PTPRN2: variants seen among roughly 807,000 people sequenced by gnomAD.
PTPRN2 encodes the protein receptor-type tyrosine-protein phosphatase N2.
Under a neutral mutation model 118.8 loss-of-function variants are expected in PTPRN2, and 74 were observed. That is an observed-to-expected ratio of 0.62 (90% CI 0.52 to 0.76). The LOEUF is 0.76. PTPRN2 is among the 30% of genes least tolerant of loss of function. The probability of loss-of-function intolerance (pLI) is 0.00; values close to 1 mark genes in which losing one functional copy is unlikely to be tolerated. For synonymous variants in PTPRN2, 641 were observed against 608.0 expected (o/e 1.05, Z -0.80); for missense variants, 1,481 against 1,394.4 (o/e 1.06, Z -0.99).
chr7:157,662,655 G>A (rs1350940371), intron 13 of PTPRN2, among the ~76,000 whole-genome samples: 3 of 152,210 alleles, frequency 2.0e-5, no homozygotes, highest in Admixed American at 1.3e-4. Context: ...GGGGCCTGGA[G>A]GTGCGTAAGA....
chr7:158,495,472 C>A (rs139794310), intron 1 of PTPRN2, among the ~76,000 whole-genome samples: 1 of 152,080 alleles, frequency 6.6e-6, no homozygotes, highest in African/African-American at 2.4e-5. Context: ...AATGAGGATG[C>A]GCCCTGCCCA....
intron 12 of PTPRN2, among the ~76,000 whole-genome samples, chr7:157,733,888 C>T (rs1251860410): frequency 1.6e-5 from 1 of 61,268 alleles, no homozygotes; most frequent in Admixed American, 1.5e-4. Flanking sequence ...CCGTCCCATG[C>T]GCCCAGCACA....
At chr7:158,380,358 C>G (rs1810875683) in intron 2 of PTPRN2, among the ~76,000 whole-genome samples, 2 of 152,194 alleles carry the variant, frequency 1.3e-5, no homozygotes, top group Non-Finnish European at 2.9e-5. Flanking sequence ...TTAAATACAG[C>G]CATTCCAAAT....
intron 2 of PTPRN2, among the ~76,000 whole-genome samples, chr7:158,321,708 G>C (rs1440994084): frequency 1.3e-5 from 2 of 152,214 alleles, no homozygotes; most frequent in Non-Finnish European, 2.9e-5. Context: ...TGGGAGATGA[G>C]AACAGGTTTG....
At chr7:158,557,329 C>T (rs944339729) in intron 1 of PTPRN2, among the ~76,000 whole-genome samples, 5 of 134,570 alleles carry the variant, frequency 3.7e-5, no homozygotes, top group Non-Finnish European at 6.4e-5. Flanking sequence ...GCAGGGCAGG[C>T]GGCTCCCGCG....
chr7:157,552,839 G>C (rs1056730176), intron 21 of PTPRN2, among the ~76,000 whole-genome samples: 5 of 152,218 alleles, frequency 3.3e-5, no homozygotes, highest in African/African-American at 1.2e-4. Flanking sequence ...GAAGCTGGAT[G>C]GGCCAGCCTC....
intron 12 of PTPRN2, among the ~76,000 whole-genome samples, chr7:157,843,986 A>G (rs1050150842): frequency 1.3e-5 from 2 of 152,182 alleles, no homozygotes; most frequent in Non-Finnish European, 2.9e-5. Context: ...ACGGAGAGGA[A>G]AGGTGCAGAG....
chr7:158,248,132 C>G (rs939722313), intron 3 of PTPRN2, among the ~76,000 whole-genome samples: 1 of 152,194 alleles, frequency 6.6e-6, no homozygotes, highest in African/African-American at 2.4e-5. Context: ...AATCCTAAAG[C>G]TGGGGCTTTG....
chr7:158,071,464 TCG>T (rs1811630954), intron 11 of PTPRN2, among the ~76,000 whole-genome samples: 2 of 130,264 alleles, frequency 1.5e-5, no homozygotes, highest in African/African-American at 6.3e-5. Flanking sequence ...GTTGAGGTGC[TCG>T]TGGTGGTGGA....
Position 157,568,456 on chromosome 7 carries a change from G to A in PTPRN2, c.2902+446C>T, listed in dbSNP as rs142782339. ...GCAATTACTAACGGATATTTTTAGT[G>A]TGCCTCTAGTGTGAATACCGTTTTG... On this transcript the variant is annotated intron_variant, in intron 21 of 22. Transcript: ENST00000389418. Among the ~76,000 whole-genome samples the A allele has an allele frequency of 1.6e-3, 250 of 152,364 alleles. 1 individual carries two copies. The highest frequency in any genetic ancestry group is 5.7e-3 in the African/African-American group (237 of 41,584).
intron 3 of PTPRN2, among the ~76,000 whole-genome samples, chr7:158,228,014 A>C (rs1828921144): frequency 6.6e-6 from 1 of 152,198 alleles, no homozygotes; most frequent in Non-Finnish European, 1.5e-5. Context: ...CATGTATATC[A>C]AATAGAAATG....
chr7:157,850,681 C>A (rs1392963988), intron 12 of PTPRN2, among the ~76,000 whole-genome samples: 2 of 152,202 alleles, frequency 1.3e-5, no homozygotes, highest in East Asian at 1.9e-4. Context: ...CCTTGACAGA[C>A]AAAAGGTGTA....
At chr7:158,470,064 T>C (rs1383451566) in intron 2 of PTPRN2, among the ~76,000 whole-genome samples, 1 of 152,186 alleles carries the variant, frequency 6.6e-6, no homozygotes, top group Non-Finnish European at 1.5e-5. Context: ...GGAGCTGGGA[T>C]CTGTCCTAGT....
At chr7:157,982,772 C>T (rs1585135428) in intron 11 of PTPRN2, among the ~76,000 whole-genome samples, 11 of 121,718 alleles carry the variant, frequency 9.0e-5, no homozygotes, top group Non-Finnish European at 1.4e-4. Context: ...AGGGTCCCCC[C>T]CAAACCCCGA....
chr7:157,871,129 C>T (rs377200786), intron 12 of PTPRN2, among the ~76,000 whole-genome samples: 5 of 152,194 alleles, frequency 3.3e-5, no homozygotes, highest in Admixed American at 6.5e-5. Context: ...CCAAAGTTGA[C>T]GGTTCTGAAC....
intron 14 of PTPRN2, among the ~76,000 whole-genome samples, chr7:157,650,061 G>T (rs938055013): frequency 6.6e-6 from 1 of 152,204 alleles, no homozygotes; most frequent in Non-Finnish European, 1.5e-5. Flanking sequence ...CCCCAGGCCC[G>T]CAGGAGTGAG....
intron 6 of PTPRN2, among the ~76,000 whole-genome samples, chr7:158,139,372 C>T (rs933897278): frequency 3.3e-5 from 5 of 152,154 alleles, no homozygotes; most frequent in African/African-American, 7.2e-5. Context: ...ACGGAAGAAA[C>T]GGTTTGTGAA....
chr7:158,389,468 ACAT>A (rs1811755171), intron 2 of PTPRN2, among the ~76,000 whole-genome samples: 1 of 152,228 alleles, frequency 6.6e-6, no homozygotes, highest in Admixed American at 6.5e-5. Context: ...AGAATGAAAA[ACAT>A]CAACCCACAG....
chr7:158,034,850 GC>G (rs1807984595), intron 11 of PTPRN2, among the ~76,000 whole-genome samples: 2 of 152,248 alleles, frequency 1.3e-5, no homozygotes, highest in South Asian at 4.1e-4. Context: ...AGAGGCTTCA[GC>G]TGCAAGAGAG....
Sources: gnomAD v4.1 joint callset for allele counts (sites outside exome capture counted in the v4.1 genomes callset) on GRCh38, gnomAD v4.1.1 for gene constraint, MANE v1.5 for transcripts, NCBI Gene and HGNC (gene_info 2026-07-23, HGNC 2026-07-21) for gene names.